MTR: variants seen among roughly 807,000 people sequenced by gnomAD.
MTR encodes the protein 5-methyltetrahydrofolate-homocysteine methyltransferase, also known as methionine synthase.
Under a neutral mutation model 154.8 loss-of-function variants are expected in MTR, and 84 were observed. The ratio of observed to expected loss-of-function variants is 0.54; its 90% CI spans 0.45 to 0.65. The LOEUF is 0.65. MTR is among the 30% of genes least tolerant of loss of function. MTR has a pLI of 0.00. For missense variants in MTR, 1,275 were observed against 1,570.2 expected (o/e 0.81, Z 3.18); for synonymous variants, 554 against 553.9 (o/e 1.00, Z 0.00).
intron 23 of MTR, among the ~76,000 whole-genome samples, chr1:236,874,447 C>G (rs1272985406): frequency 6.6e-6 from 1 of 151,680 alleles, no homozygotes; most frequent in African/African-American, 2.4e-5. Context: ...TGGTGGTGGG[C>G]ACCTGTAATC....
chr1:236,799,123 T>A (rs965907903), intron 1 of MTR, among the ~76,000 whole-genome samples: 14 of 152,106 alleles, frequency 9.2e-5, no homozygotes, highest in African/African-American at 3.1e-4. Context: ...ACTATGTTTT[T>A]TTTTTTCCCC....
chr1:236,890,810 A>G (rs1666276368), intron 28 of MTR, among the ~76,000 whole-genome samples: 1 of 152,180 alleles, frequency 6.6e-6, no homozygotes, highest in Admixed American at 6.5e-5. Flanking sequence ...TCAGTGAGGA[A>G]TGTGGCCTGC....
chr1:236,867,402 C>G (rs903794863), intron 22 of MTR, among the ~76,000 whole-genome samples: 1 of 152,166 alleles, frequency 6.6e-6, no homozygotes, highest in African/African-American at 2.4e-5. Context: ...AAAAAAGATT[C>G]CTTTCAAAAT....
chr1:236,799,354 A>T (rs1274393771), intron 1 of MTR, among the ~76,000 whole-genome samples: 1 of 150,430 alleles, frequency 6.6e-6, no homozygotes, highest in South Asian at 2.1e-4. Flanking sequence ...GAACTCGTGG[A>T]CTCAGTGATC....
At chr1:236,832,676 A>G (rs1256675181) in intron 13 of MTR, among the ~76,000 whole-genome samples, 2 of 152,224 alleles carry the variant, frequency 1.3e-5, no homozygotes, top group African/African-American at 4.8e-5. Context: ...TGAATTTAAA[A>G]ATGGAGGAAT....
At chr1:236,896,561 C>T (rs1666635085) in intron 31 of MTR, among the ~76,000 whole-genome samples, 1 of 152,230 alleles carries the variant, frequency 6.6e-6, no homozygotes. Context: ...ACTGTCTCTT[C>T]TTTCTCACAA....
In MTR at chr1:236,874,955, T is replaced by C. The variant is rs541209141; in HGVS notation, c.2594+109T>C. ...TGGATTTTCCCTTATGTTTAGTACA[T>C]TGACTTTTTGTTATATAAACACAAA... On this transcript the variant is annotated intron_variant, in intron 24 of 32. Coordinates refer to ENST00000366577, the MANE Select transcript of MTR (RefSeq NM_000254.3). The C allele has an allele frequency of 1.5e-5, 19 of 1,241,494 alleles. No individual in the cohort carries two copies. In the African/African-American group the frequency reaches 2.7e-4, roughly 17 times the overall value. 76.9% of individuals were successfully genotyped at this position (1,241,494 alleles called of 1,614,324 possible).
chr1:236,858,623 A>G (rs565785913), intron 18 of MTR, among the ~76,000 whole-genome samples: 70 of 152,338 alleles, frequency 4.6e-4, no homozygotes, highest in Non-Finnish European at 6.2e-4. Flanking sequence ...ATCAGAGACC[A>G]GAATGATTCT....
chr1:236,796,101 A>C (rs968242400), intron 1 of MTR, among the ~76,000 whole-genome samples: 6 of 152,288 alleles, frequency 3.9e-5, no homozygotes, highest in African/African-American at 1.4e-4. Flanking sequence ...TTATTCGTAA[A>C]TATGTATTGC....
At chr1:236,826,641 C>A (rs927073223) in intron 10 of MTR, among the ~76,000 whole-genome samples, 188 bp from the exon 11 acceptor site, 2 of 152,178 alleles carry the variant, frequency 1.3e-5, no homozygotes, top group Non-Finnish European at 2.9e-5. Context: ...AGCATCTGAA[C>A]TATTCTTTGC....
chr1:236,885,436 A>G (rs999807278), intron 26 of MTR, among the ~76,000 whole-genome samples: 1 of 152,180 alleles, frequency 6.6e-6, no homozygotes, highest in African/African-American at 2.4e-5. Context: ...TATTCAGCCA[A>G]ACATTTACTG....
At chr1:236,849,190 CAA>C (rs1362727089) in intron 15 of MTR, among the ~76,000 whole-genome samples, 5 of 152,132 alleles carry the variant, frequency 3.3e-5, no homozygotes, top group African/African-American at 1.2e-4. Flanking sequence ...GTTTCCATGA[CAA>C]AGTTCAGAAA....
chr1:236,836,810 C>G (rs1469456096), intron 14 of MTR, among the ~76,000 whole-genome samples: 1 of 152,258 alleles, frequency 6.6e-6, no homozygotes, highest in Non-Finnish European at 1.5e-5. Flanking sequence ...TAGTTAGAAT[C>G]AGAGGTATAG....
At chr1:236,850,306 T>A (rs1369850012) in intron 15 of MTR, 38 bp from the exon 16 acceptor site, 1 of 1,464,900 alleles carries the variant, frequency 6.8e-7, no homozygotes, top group Non-Finnish European at 9.3e-7. Context: ...ATAGATAATT[T>A]TTCTATTTCA....
intron 30 of MTR, chr1:236,894,963 G>A (rs1331363989): frequency 1.7e-5 from 6 of 354,264 alleles, no homozygotes; most frequent in Non-Finnish European, 2.6e-5. Flanking sequence ...TGCATGGAAT[G>A]AGGGTAGTAG....
At chr1:236,886,095 T>C (rs1370276742) in intron 26 of MTR, among the ~76,000 whole-genome samples, 197 bp from the exon 27 acceptor site, 1 of 151,162 alleles carries the variant, frequency 6.6e-6, no homozygotes, top group African/African-American at 2.5e-5. Flanking sequence ...GCTTATTAAG[T>C]CTTTACTATC....
At chr1:236,877,212 C>G (rs544852538) in intron 24 of MTR, among the ~76,000 whole-genome samples, 46 of 152,340 alleles carry the variant, frequency 3.0e-4, no homozygotes, top group African/African-American at 1.1e-3. Context: ...GGTCTGCGAT[C>G]TGAGGTCTTG....
intron 18 of MTR, among the ~76,000 whole-genome samples, chr1:236,854,374 A>G (rs928771928): frequency 2.3e-4 from 35 of 152,238 alleles, no homozygotes; most frequent in Non-Finnish European, 4.6e-4. Context: ...TGTGGCAGAT[A>G]CAATCAAGTT....
intron 22 of MTR, among the ~76,000 whole-genome samples, chr1:236,869,291 T>C (rs990530194): frequency 6.6e-6 from 1 of 152,242 alleles, no homozygotes; most frequent in African/African-American, 2.4e-5. Context: ...AAACATTCAG[T>C]GCAACTTTTT....
Sources: allele counts gnomAD v4.1 joint callset (sites outside exome capture counted in the v4.1 genomes callset), GRCh38; gene constraint gnomAD v4.1.1; transcripts MANE v1.5; gene names NCBI Gene and HGNC (gene_info 2026-07-23, HGNC 2026-07-21).